COQ2: variants seen among roughly 807,000 people sequenced by gnomAD.
COQ2 encodes coenzyme Q2, polyprenyltransferase.
In COQ2, 25 loss-of-function variants were observed where a neutral mutation model predicts 35.7. The observed-to-expected ratio is 0.70, with a 90% confidence interval of 0.51 to 0.98. The LOEUF (loss-of-function observed/expected upper bound fraction) is 0.98. Ranked by LOEUF, COQ2 falls within the 50% of genes least tolerant of loss-of-function variation. COQ2 has a pLI of 0.00. For missense variants in COQ2, 488 were observed against 473.5 expected (o/e 1.03, Z -0.28); for synonymous variants, 206 against 186.2 (o/e 1.11, Z -0.86).
chr4:83,275,219 G>A (rs1465131398), intron 2 of COQ2, among the ~76,000 whole-genome samples: 1 of 152,150 alleles, frequency 6.6e-6, no homozygotes, highest in African/African-American at 2.4e-5. Context: ...TATGACAAAT[G>A]ATTCTTAACT....
intron 5 of COQ2, 99 bp downstream of exon 5, chr4:83,269,761 A>G: frequency 8.9e-7 from 1 of 1,117,976 alleles, no homozygotes; most frequent in Non-Finnish European, 1.2e-6. Context: ...AGTTCTTAAA[A>G]AACAACAACA....
intron 4 of COQ2, 118 bp downstream of exon 4, chr4:83,271,968 AT>A: frequency 1.5e-6 from 1 of 673,086 alleles, no homozygotes; most frequent in Non-Finnish European, 2.5e-6. Context: ...AAAATCTACT[AT>A]TGGTTAGGAA....
chr4:83,267,967 A>C (rs1734963899), intron 5 of COQ2, among the ~76,000 whole-genome samples, 193 bp from the exon 6 acceptor site: 2 of 152,214 alleles, frequency 1.3e-5, no homozygotes, highest in Non-Finnish European at 2.9e-5. Context: ...GAAAGATGAC[A>C]GTAACTCAGA....
At chr4:83,266,922 T>G in intron 6 of COQ2, 1 of 283,456 alleles carries the variant, frequency 3.5e-6, no homozygotes, top group East Asian at 1.2e-4. Flanking sequence ...AAACCCAGAT[T>G]TTTTTTTAAA....
In COQ2 at chr4:83,274,017, ATGG is replaced by A. The variant is rs1735109591; in HGVS notation, c.421-403_421-401del. ...AAAAAAAAAAAAAAATTAGCCAGGT[ATGG>A]TGATGTGTGCCTGTAGCCCCAGCTA... is the stretch of plus-strand genomic sequence containing the variant. On this transcript the variant is annotated intron_variant, in intron 2 of 6. Coordinates refer to ENST00000647002, the MANE Select transcript of COQ2 (RefSeq NM_001358921.2). 2.0e-5 allele frequency among the ~76,000 whole-genome samples: 3 copies of A among 148,354 alleles called. No homozygotes were observed. The East Asian group carries it at 5.9e-4, about 29-fold the overall frequency.
At chr4:83,276,714 A>G (rs1240997723) in intron 2 of COQ2, among the ~76,000 whole-genome samples, 1 of 152,212 alleles carries the variant, frequency 6.6e-6, no homozygotes, top group Non-Finnish European at 1.5e-5. Flanking sequence ...AGGAAAAGAA[A>G]TCATTTTGCC....
chr4:83,264,230 T>C lies in COQ2; in HGVS notation c.1085A>G (p.Lys362Arg). 5 of 1,568,368 alleles carry C rather than the reference T, an allele frequency of 3.2e-6. No homozygotes were observed. Among genetic ancestry groups the C allele is most frequent in the Non-Finnish European group, 3.5e-6 (4 of 1,144,100 alleles). ...LWKEKKTDKTKKGIENKIEN is the reference protein window; with the variant it reads ...LWKEKKTDKTRKGIENKIEN ...TTCTATTTTATTCTCTATACCCTTC[T>C]TTGTTTTGTCTGTCTTCTTTTCTTT... Residue 362 changes from lysine (K) to arginine (R), a missense_variant, in exon 7 of 7, where the codon AAG becomes AGG. Transcript: ENST00000647002.
intron 2 of COQ2, 67 bp from the exon 3 acceptor site, chr4:83,273,684 G>A: frequency 1.3e-6 from 2 of 1,491,062 alleles, no homozygotes; most frequent in Non-Finnish European, 1.8e-6. Flanking sequence ...AACATTTAAT[G>A]AAGAGACTGG....
At chr4:83,275,949 T>G (rs958322398) in intron 2 of COQ2, among the ~76,000 whole-genome samples, 7 of 148,324 alleles carry the variant, frequency 4.7e-5, no homozygotes, top group African/African-American at 1.7e-4. Context: ...GTTCAAGAAT[T>G]ATCTTGAAGT....
At chr4:83,267,562 G>T in intron 6 of COQ2, 24 bp downstream of exon 6, 1 of 1,525,186 alleles carries the variant, frequency 6.6e-7, no homozygotes, top group Non-Finnish European at 8.8e-7. Context: ...GAAATATGAG[G>T]GACAAATAAG....
intron 6 of COQ2, among the ~76,000 whole-genome samples, chr4:83,265,341 G>A (rs534946860): frequency 1.3e-5 from 2 of 152,248 alleles, no homozygotes; most frequent in African/African-American, 4.8e-5. Flanking sequence ...AGGCTGAGGT[G>A]GGCGGATCAC....
intron 1 of COQ2, chr4:83,283,320 A>G: frequency 2.0e-6 from 2 of 985,416 alleles, no homozygotes; most frequent in Non-Finnish European, 2.4e-6. Flanking sequence ...GCTGGAGTTC[A>G]TCCTTCACTT....
In COQ2 at chr4:83,267,619, G is replaced by A; in HGVS notation, c.918C>T (p.Ala306=). The A allele has an allele frequency of 6.3e-7, 1 of 1,586,688 alleles. No individual in the cohort carries two copies. Among genetic ancestry groups the A allele is most frequent in the Non-Finnish European group, 8.6e-7 (1 of 1,166,824 alleles). Residue 306 remains alanine (A), a synonymous_variant, in exon 6 of 7, where the codon GCC becomes GCT. Coordinates refer to ENST00000647002, the MANE Select transcript of COQ2 (RefSeq NM_001358921.2). ...NSGQTAPYYA[A]LGAVGAHLTH... ...TCAGATGGGCTCCTACAGCACCCAG[G>A]GCAGCGTAGTAGGGAGCAGTCTGTC...
At chr4:83,276,235 C>T (rs1735179991) in intron 2 of COQ2, among the ~76,000 whole-genome samples, 1 of 151,700 alleles carries the variant, frequency 6.6e-6, no homozygotes, top group Non-Finnish European at 1.5e-5. Context: ...GCGTTGCCTA[C>T]TTTTTAATGG....
At chr4:83,277,850 C>T (rs1458899230) in intron 2 of COQ2, among the ~76,000 whole-genome samples, 3 of 151,782 alleles carry the variant, frequency 2.0e-5, no homozygotes, top group East Asian at 1.9e-4. Context: ...ATGCCTGAAA[C>T]CCCAGCTACT....
Position 83,263,993 on chromosome 4 carries a change from C to T in COQ2, c.*206G>A, listed in dbSNP as rs548709204. 3 of 401,100 alleles carry T rather than the reference C, an allele frequency of 7.5e-6. No homozygotes were observed. In the East Asian group the frequency reaches 1.7e-4, roughly 22 times the overall value. The allele number at this position is 401,100 out of a possible 1,614,324, so 24.8% of individuals were successfully genotyped here. A position where few individuals can be genotyped will look rare whatever the true frequency, so the allele number is the denominator to read the frequency against. ...GCAGAAGAATGTATCAACTAAAATA[C>T]TCAAGGCCATCTCAAATCCTGAAGA... is the stretch of plus-strand genomic sequence containing the variant. On this transcript the variant is annotated 3_prime_UTR_variant, in exon 7 of 7. Coordinates refer to ENST00000647002, the MANE Select transcript of COQ2 (RefSeq NM_001358921.2).
rs779191310 is a variant in COQ2, at chr4:83,267,578, G to A, written c.951+8C>T. On this transcript the variant is annotated splice_region_variant and intron_variant, in intron 6 of 6. Coordinates refer to ENST00000647002, the MANE Select transcript of COQ2 (RefSeq NM_001358921.2). Reference sequence around the variant, plus strand: ...AAATATGAGGGACAAATAAGAAAAAGGTCAAACCTGGTGAGTCAGATGGGC... The same window carrying A: ...AAATATGAGGGACAAATAAGAAAAAAGTCAAACCTGGTGAGTCAGATGGGC... 3.9e-6 allele frequency: 6 copies of A among 1,543,966 alleles called. No individual in the cohort carries two copies. The highest frequency in any genetic ancestry group is 1.3e-5 in the South Asian group (1 of 78,922).
Position 83,284,656 on chromosome 4 carries a change from C to T in COQ2, c.109G>A (p.Ala37Thr), listed in dbSNP as rs759773608. The change falls in exon 1 of 7, where the codon GCG becomes ACG. Residue 37 changes from alanine (A) to threonine (T), a missense_variant. Transcript: ENST00000647002. ...GGCTGCAAGTCACCACCGTGGGGCG[C>T]GCCTGCCGCACGCGCCAGGGCGAAG... Reference protein sequence around the residue: ...RSFALARAAGAPHGGDLQPPA... With the variant: ...RSFALARAAGTPHGGDLQPPA... 4 of 1,452,104 alleles carry T rather than the reference C, an allele frequency of 2.8e-6. No homozygotes were observed. The South Asian group carries it at 5.6e-5, about 20-fold the overall frequency. 90.0% of individuals were successfully genotyped at this position (1,452,104 alleles called of 1,614,324 possible).
rs867410805 is a variant in COQ2, at chr4:83,279,107, C to A, written c.261G>T (p.Trp87Cys). 2 of 1,555,972 alleles carry A rather than the reference C, an allele frequency of 1.3e-6. No individual in the cohort carries two copies. The highest frequency in any genetic ancestry group is 1.7e-6 in the Non-Finnish European group (2 of 1,155,170). The change falls in exon 2 of 7, where the codon TGG becomes TGT. Residue 87 changes from tryptophan to cysteine, a missense_variant. Trp to Cys is a radical substitution (Grantham distance 215). Coordinates refer to ENST00000647002, the MANE Select transcript of COQ2 (RefSeq NM_001358921.2). ...TCCAGGTACATGGTAAATACAGAAG[C>A]CAGGTTCCTAAGCAAAAATAAAAAG... Reference protein sequence around the residue: ...LMRLDKPIGTWLLYLPCTWSI... With the variant: ...LMRLDKPIGTCLLYLPCTWSI...
Sources: gnomAD v4.1 joint callset for allele counts (sites outside exome capture counted in the v4.1 genomes callset) on GRCh38, gnomAD v4.1.1 for gene constraint, MANE v1.5 for transcripts, NCBI Gene and HGNC (gene_info 2026-07-23, HGNC 2026-07-21) for gene names.